Variants in ADGRF3 observed in about 807,000 individuals in gnomAD.
ADGRF3 encodes the protein G protein-coupled receptor 113.
A neutral mutation model predicts 93.2 loss-of-function variants in ADGRF3; 85 were observed. That is an observed-to-expected ratio of 0.91 (90% confidence interval 0.77 to 1.09). The LOEUF (loss-of-function observed/expected upper bound fraction) is 1.09, where lower values mean the gene tolerates loss of function less well. ADGRF3 is among the 50% of genes least tolerant of loss of function. The pLI is 0.00. For synonymous variants in ADGRF3, 534 were observed against 532.5 expected (o/e 1.00, Z -0.04); for missense variants, 1,125 against 1,246.2 (o/e 0.90, Z 1.46).
chr2:26,312,054 G>A lies in ADGRF3; in HGVS notation c.1470C>T (p.Asp490=). The stretch of plus-strand genomic sequence containing the variant: ...ACCTGGTGTCCATATCTAGGACCTT[G>A]TCTGTGGCAATCAGGAGATTCTGCA... ...RALKNLLIAT[D]KVLDMDTRSL... The change falls in exon 10 of 14, where the codon GAC becomes GAT. Residue 490 remains aspartate (D), a synonymous_variant. Coordinates refer to ENST00000651242, the MANE Select transcript of ADGRF3 (RefSeq NM_001321971.2). 6.2e-7 allele frequency: 1 copy of A among 1,609,404 alleles called. No homozygotes were observed. The highest frequency in any genetic ancestry group is 8.5e-7 in the Non-Finnish European group (1 of 1,178,470).
chr2:26,317,992 C>G, intron 1 of ADGRF3: 3 of 1,515,274 alleles, frequency 2.0e-6, no homozygotes, highest in Non-Finnish European at 2.7e-6. Context: ...TCTTTGGTTC[C>G]TGTACATTAT....
chr2:26,320,295 G>C (rs1223119282), intron 1 of ADGRF3, among the ~76,000 whole-genome samples: 1 of 152,142 alleles, frequency 6.6e-6, no homozygotes, highest in Non-Finnish European at 1.5e-5. Flanking sequence ...TCAGGAGTTC[G>C]AGACCAGCCT....
Position 26,313,593 on chromosome 2 carries a change from C to A in ADGRF3, c.1073-20G>T. Reference sequence around the variant, plus strand: ...CTCCATCTGAAGAATGACGAGCAGGCGCTACTCAGCAATCACAGCCTCACC... The same window carrying A: ...CTCCATCTGAAGAATGACGAGCAGGAGCTACTCAGCAATCACAGCCTCACC... On this transcript the variant is annotated intron_variant, in intron 7 of 13. Transcript: ENST00000651242. The A allele has an allele frequency of 6.3e-7, 1 of 1,591,768 alleles. No individual in the cohort carries two copies. Among genetic ancestry groups the A allele is most frequent in the South Asian group, 1.1e-5 (1 of 88,130 alleles).
Position 26,312,961 on chromosome 2 carries a change from A to G in ADGRF3, c.1431T>C (p.Leu477=), listed in dbSNP as rs767474844. 1 of 1,612,652 alleles carries G rather than the reference A, an allele frequency of 6.2e-7. No individual in the cohort carries two copies. The highest frequency in any genetic ancestry group is 2.2e-5 in the East Asian group (1 of 44,870). Residue 477 remains leucine (L), a synonymous_variant, in exon 9 of 14, where the codon CTT becomes CTC. Transcript: ENST00000651242. ...AKVVAEARIQ[L]DRRALKNLLI... ...ATCTCACCTTCAGGGCTCTGCGGTC[A>G]AGCTGTATTCTGGCCTCTGCCACCA...
At chr2:26,336,855 G>GC (rs1676083244) in intron 1 of ADGRF3, among the ~76,000 whole-genome samples, 1 of 150,960 alleles carries the variant, frequency 6.6e-6, no homozygotes, top group Admixed American at 6.6e-5. Flanking sequence ...ATTTGACTCA[G>GC]CATCAAAGAG....
Position 26,311,773 on chromosome 2 carries a change from A to C in ADGRF3, c.1751T>G (p.Ile584Arg). The C allele has an allele frequency of 6.2e-7, 1 of 1,613,662 alleles. No individual in the cohort carries two copies. The highest frequency in any genetic ancestry group is 8.5e-7 in the Non-Finnish European group (1 of 1,179,766). ...TCGCAGCACCAGGCTAGTAATACTT[A>C]TTTCAGTTCCATTACGGACCAATGG... ...LAPLVRNGTEISITSLVLRKL... is the reference protein window; with the variant it reads ...LAPLVRNGTERSITSLVLRKL... Residue 584 changes from isoleucine (I) to arginine (R), a missense_variant, in exon 10 of 14, where the codon ATA becomes AGA. Physicochemically the swap from Ile to Arg is moderately conservative, Grantham distance 97. Coordinates refer to ENST00000651242, the MANE Select transcript of ADGRF3 (RefSeq NM_001321971.2).
intron 1 of ADGRF3, among the ~76,000 whole-genome samples, chr2:26,333,369 C>G (rs1333141901): frequency 8.4e-4 from 3 of 3,592 alleles, no homozygotes; most frequent in Non-Finnish European, 2.4e-3. Context: ...GAATTGATCA[C>G]ACAATACTTA....
At chr2:26,333,087 T>A (rs1032643468) in intron 1 of ADGRF3, among the ~76,000 whole-genome samples, 1 of 152,136 alleles carries the variant, frequency 6.6e-6, no homozygotes, top group Admixed American at 6.5e-5. Flanking sequence ...TCCTTCCAGG[T>A]TTTCCCTAAA....
intron 5 of ADGRF3, 162 bp from the exon 6 acceptor site, chr2:26,314,785 T>C (rs556415408): frequency 3.2e-6 from 2 of 624,066 alleles, no homozygotes; most frequent in African/African-American, 3.7e-5. Context: ...TGGTGGACAT[T>C]CCCTGTCCCC....
At chr2:26,329,980 T>C (rs1352727561) in intron 1 of ADGRF3, among the ~76,000 whole-genome samples, 1 of 152,212 alleles carries the variant, frequency 6.6e-6, no homozygotes, top group Non-Finnish European at 1.5e-5. Flanking sequence ...GCCAGTTAAT[T>C]TTGAGTTTTA....
At chr2:26,315,889 G>GGTGT in intron 4 of ADGRF3, 149 bp from the exon 5 acceptor site, 1 of 1,182,920 alleles carries the variant, frequency 8.5e-7, no homozygotes, top group Non-Finnish European at 1.2e-6. Context: ...CCCTGGGTGG[G>GGTGT]CACCTGAATG....
intron 1 of ADGRF3, among the ~76,000 whole-genome samples, chr2:26,321,041 T>C (rs1231960646): frequency 6.6e-6 from 1 of 152,194 alleles, no homozygotes; most frequent in Non-Finnish European, 1.5e-5. Context: ...GTTTCATATA[T>C]AGTTTTTCTA....
At chr2:26,323,297 C>A (rs1401856634) in intron 1 of ADGRF3, among the ~76,000 whole-genome samples, 1 of 152,138 alleles carries the variant, frequency 6.6e-6, no homozygotes, top group African/African-American at 2.4e-5. Context: ...CTACCTACTC[C>A]CAAGTCCAAA....
intron 2 of ADGRF3, 139 bp downstream of exon 2, chr2:26,317,357 A>G (rs1015712459): frequency 3.7e-6 from 3 of 806,560 alleles, no homozygotes; most frequent in African/African-American, 3.4e-5. Flanking sequence ...GACCTGTCCG[A>G]CTGTGATCAG....
At chr2:26,321,640 A>C (rs1035833616) in intron 1 of ADGRF3, among the ~76,000 whole-genome samples, 1 of 152,136 alleles carries the variant, frequency 6.6e-6, no homozygotes, top group Non-Finnish European at 1.5e-5. Context: ...ATCCATCAGC[A>C]TGAACACTGA....
intron 10 of ADGRF3, 32 bp downstream of exon 10, chr2:26,310,660 G>GC (rs1437506711): frequency 1.9e-6 from 3 of 1,586,044 alleles, no homozygotes; most frequent in Non-Finnish European, 2.6e-6. Flanking sequence ...ATCTAAAAAA[G>GC]CAAAAAACAC....
At position 26,308,795 on chromosome 2, in the gene ADGRF3, C is replaced by G. The variant is rs941019968; in HGVS notation, c.*291G>C. On this transcript the variant is annotated 3_prime_UTR_variant, in exon 14 of 14. Coordinates refer to ENST00000651242, the MANE Select transcript of ADGRF3 (RefSeq NM_001321971.2). ...GTTAAAAACTGGTTGAGAAAGTTTA[C>G]TTGTAATTATTCCGCACTTTGATAT... is the stretch of plus-strand genomic sequence containing the variant. 4 of 415,028 alleles carry G rather than the reference C, an allele frequency of 9.6e-6. No individual in the cohort carries two copies. Among genetic ancestry groups the G allele is most frequent in the Non-Finnish European group, 1.3e-5 (3 of 232,876 alleles). The allele number at this position is 415,028 out of a possible 1,614,324, so 25.7% of individuals were successfully genotyped here. A position where few individuals can be genotyped will look rare whatever the true frequency, so the allele number is the denominator to read the frequency against.
Position 26,316,294 on chromosome 2 carries a change from G to A in ADGRF3, c.480C>T (p.Tyr160=), listed in dbSNP as rs920807463. The stretch of plus-strand genomic sequence containing the variant: ...CCTCACCAGGTGGCAGCAACTGGCA[G>A]TACCCGGGTTCGGGATGGCTGAAGA... The part of the protein sequence containing the change: ...CLVFSHPEPG[Y]CQLLPPVPGI... Residue 160 remains tyrosine (Y), a synonymous_variant, in exon 4 of 14, where the codon TAC becomes TAT. Transcript: ENST00000651242. 4 of 1,551,648 alleles carry A rather than the reference G, an allele frequency of 2.6e-6. No homozygotes were observed. The highest frequency in any genetic ancestry group is 3.5e-6 in the Non-Finnish European group (4 of 1,146,908).
At chr2:26,314,941 A>G (rs1217456171) in intron 5 of ADGRF3, 4 of 327,116 alleles carry the variant, frequency 1.2e-5, no homozygotes, top group Non-Finnish European at 2.2e-5. Context: ...CTCAGCAGAC[A>G]TTGAGACGGT....
Sources: gnomAD v4.1 joint callset for allele counts (sites outside exome capture counted in the v4.1 genomes callset) on GRCh38, gnomAD v4.1.1 for gene constraint, MANE v1.5 for transcripts, NCBI Gene and HGNC (gene_info 2026-07-23, HGNC 2026-07-21) for gene names.